The following SAMD5 variants were observed in gnomAD, a reference collection of about 807,000 sequenced individuals.
SAMD5 encodes sterile alpha motif domain containing 5.
SAMD5 carries 13 observed loss-of-function variants against 11.3 expected under a neutral mutation model. The observed-to-expected ratio is 1.15, with a 90% confidence interval of 0.75 to 1.83. The LOEUF is 1.83. Among genes scored for constraint, SAMD5 ranks in the 40% most tolerant of loss-of-function variants. The pLI is 0.00. For missense variants in SAMD5, 255 were observed against 239.1 expected, an observed-to-expected ratio of 1.07 and a Z score of -0.44; for synonymous variants, 129 against 111.3, an observed-to-expected ratio of 1.16 and a Z score of -1.00.
chr6:147,878,895 T>C, the SAMD5 span, among the ~76,000 whole-genome samples: 1 of 152,064 alleles, frequency 6.6e-6, no homozygotes, highest in African/African-American at 2.4e-5. Flanking sequence ...GCTGGGACTA[T>C]AGGCACCTGC....
chr6:147,740,242 A>G (rs1791860708), downstream of SAMD5, among the ~76,000 whole-genome samples: 1 of 152,222 alleles, frequency 6.6e-6, no homozygotes, highest in Admixed American at 6.5e-5. Flanking sequence ...CTTTAAAATA[A>G]GTAAGCTACC....
At chr6:147,523,933 T>G (rs1391406910) in intron 1 of SAMD5, among the ~76,000 whole-genome samples, 1 of 152,164 alleles carries the variant, frequency 6.6e-6, no homozygotes, top group Non-Finnish European at 1.5e-5. Context: ...AATCAGGATA[T>G]TCATATTGAA....
intron 1 of SAMD5, among the ~76,000 whole-genome samples, chr6:147,629,857 A>G (rs1441934675): frequency 6.6e-6 from 1 of 151,778 alleles, no homozygotes; most frequent in African/African-American, 2.4e-5. Flanking sequence ...TACCCTTTGA[A>G]CCTTCAGCAG....
At chr6:147,872,372 A>G in the SAMD5 span, among the ~76,000 whole-genome samples, 876 of 152,308 alleles carry the variant, frequency 5.8e-3, 10 homozygotes, top group African/African-American at 0.021. Flanking sequence ...TTGTGGGATT[A>G]TAAGCATGAG....
At chr6:147,729,020 G>C (rs187616591) in intron 1 of SAMD5, among the ~76,000 whole-genome samples, 1 of 152,220 alleles carries the variant, frequency 6.6e-6, no homozygotes, top group Non-Finnish European at 1.5e-5. Flanking sequence ...TTTGTTCGCA[G>C]TTCTGGAGGT....
intron 1 of SAMD5, among the ~76,000 whole-genome samples, chr6:147,584,551 T>C (rs914194909): frequency 9.9e-5 from 15 of 152,086 alleles, no homozygotes; most frequent in African/African-American, 3.6e-4. Context: ...CTCACCACCA[T>C]TGCCTTGGCC....
chr6:147,515,192 T>G (rs1788147403), intron 1 of SAMD5, among the ~76,000 whole-genome samples: 2 of 141,106 alleles, frequency 1.4e-5, no homozygotes, highest in Non-Finnish European at 3.1e-5. Context: ...TTTTTTTTTT[T>G]TTTTTTTTTT....
At chr6:147,806,983 G>C in the SAMD5 span, among the ~76,000 whole-genome samples, 1 of 144,504 alleles carries the variant, frequency 6.9e-6, no homozygotes, top group Non-Finnish European at 1.5e-5. Flanking sequence ...TAAAAGATCT[G>C]CAGGGGAGTA....
At chr6:147,874,862 G>A in the SAMD5 span, among the ~76,000 whole-genome samples, 2,740 of 151,992 alleles carry the variant, frequency 0.018, 40 homozygotes, top group Non-Finnish European at 0.026. Flanking sequence ...GACAAATTAC[G>A]TCTGTGGGAT....
At chr6:147,812,168 T>C in the SAMD5 span, among the ~76,000 whole-genome samples, 26 of 152,332 alleles carry the variant, frequency 1.7e-4, no homozygotes, top group African/African-American at 6.0e-4. Flanking sequence ...AGGTTAGTCA[T>C]GGGACTTGAC....
At chr6:147,764,944 G>C in the SAMD5 span, among the ~76,000 whole-genome samples, 1 of 152,058 alleles carries the variant, frequency 6.6e-6, no homozygotes, top group Admixed American at 6.6e-5. Context: ...CTGGCACTAA[G>C]TTTTCACAGA....
At chr6:147,789,257 A>G in the SAMD5 span, among the ~76,000 whole-genome samples, 1 of 150,102 alleles carries the variant, frequency 6.7e-6, no homozygotes, top group East Asian at 2.0e-4. Flanking sequence ...GGACGATGGC[A>G]TAAGACCCAG....
chr6:147,847,079 T>C, the SAMD5 span, among the ~76,000 whole-genome samples: 19 of 152,208 alleles, frequency 1.2e-4, no homozygotes, highest in Non-Finnish European at 1.9e-4. Context: ...AACAAGCCGA[T>C]GCAAGCTCAT....
chr6:147,725,718 G>T (rs961498167), intron 1 of SAMD5, among the ~76,000 whole-genome samples: 3 of 152,146 alleles, frequency 2.0e-5, no homozygotes, highest in African/African-American at 7.2e-5. Context: ...GAACTTTATA[G>T]AATATTGAAG....
At chr6:147,935,775 G>A in the SAMD5 span, among the ~76,000 whole-genome samples, 4 of 152,080 alleles carry the variant, frequency 2.6e-5, no homozygotes, top group Admixed American at 2.6e-4. Flanking sequence ...TATAAGCCAG[G>A]GAAAAGCAAA....
intron 1 of SAMD5, among the ~76,000 whole-genome samples, chr6:147,664,059 A>G (rs1790683909): frequency 6.6e-6 from 1 of 152,152 alleles, no homozygotes; most frequent in Non-Finnish European, 1.5e-5. Context: ...AGAAATCTCA[A>G]GGACCACTGG....
chr6:147,774,851 A>G, the SAMD5 span, among the ~76,000 whole-genome samples: 1 of 152,146 alleles, frequency 6.6e-6, no homozygotes, highest in Non-Finnish European at 1.5e-5. Flanking sequence ...ATTTTAACCA[A>G]ACTACTCCTT....
At chr6:147,584,191 A>G (rs1345331930) in intron 1 of SAMD5, among the ~76,000 whole-genome samples, 6 of 152,102 alleles carry the variant, frequency 3.9e-5, no homozygotes, top group African/African-American at 1.4e-4. Context: ...TTACTTCCAT[A>G]CATTAATATA....
intron 1 of SAMD5, among the ~76,000 whole-genome samples, chr6:147,728,883 CTATT>C (rs1438802716): frequency 2.0e-5 from 3 of 152,146 alleles, no homozygotes; most frequent in Non-Finnish European, 2.9e-5. Flanking sequence ...GCTTCTGTAT[CTATT>C]TAATTTTGAA....
Sources: gnomAD v4.1 joint callset for allele counts (sites outside exome capture counted in the v4.1 genomes callset) on GRCh38, gnomAD v4.1.1 for gene constraint, MANE v1.5 for transcripts, NCBI Gene and HGNC (gene_info 2026-07-23, HGNC 2026-07-21) for gene names.